Variants in AKT3 observed in about 807,000 individuals in gnomAD.
AKT3 encodes the protein RAC-gamma serine/threonine-protein kinase.
In AKT3, 15 loss-of-function variants were observed where a neutral mutation model predicts 65.3. The ratio of observed to expected loss-of-function variants is 0.23; its 90% CI spans 0.15 to 0.35. The LOEUF is 0.35. AKT3 is among the 10% of genes least tolerant of loss of function. AKT3 has a pLI of 1.00. For synonymous variants in AKT3, 206 were observed against 183.8 expected (o/e 1.12, Z -0.98); for missense variants, 243 against 576.5 (o/e 0.42, Z 5.92).
At chr1:243,632,182 G>A (rs918298854) in intron 6 of AKT3, among the ~76,000 whole-genome samples, 2 of 152,064 alleles carry the variant, frequency 1.3e-5, no homozygotes, top group Admixed American at 1.3e-4. Context: ...TACTATCTAT[G>A]GCAGTAATTA....
intron 2 of AKT3, among the ~76,000 whole-genome samples, chr1:243,718,611 C>T (rs1050935800): frequency 6.6e-6 from 1 of 150,992 alleles, no homozygotes; most frequent in Admixed American, 6.7e-5. Flanking sequence ...TACAGGCCCT[C>T]ACCACCACGC....
At chr1:243,799,957 AG>A (rs1269006943) in intron 2 of AKT3, among the ~76,000 whole-genome samples, 1 of 152,212 alleles carries the variant, frequency 6.6e-6, no homozygotes, top group African/African-American at 2.4e-5. Context: ...GGGGGATCCA[AG>A]TAACTGAATT....
intron 12 of AKT3, among the ~76,000 whole-genome samples, chr1:243,539,414 T>A (rs1672148552): frequency 6.6e-6 from 1 of 152,190 alleles, no homozygotes; most frequent in Non-Finnish European, 1.5e-5. Context: ...TATGTGTTAA[T>A]CAACTGTTCA....
In AKT3 at chr1:243,620,207, C is replaced by T. The variant is rs1306333629; in HGVS notation, c.562-5046G>A. ...GTCTGACAGTTCCTCTTCACACACTCGCCCTTTCTTCGCCTGATACCACAC... is the reference window on the plus strand; with the variant it reads ...GTCTGACAGTTCCTCTTCACACACTTGCCCTTTCTTCGCCTGATACCACAC... On this transcript the variant is annotated intron_variant, in intron 6 of 13. Transcript: ENST00000673466. 8.1e-5 allele frequency among the ~76,000 whole-genome samples: 8 copies of T among 98,200 alleles called. 3 individuals carry two copies. The South Asian group carries it at 9.1e-4, about 11-fold the overall frequency. 64.4% of individuals were successfully genotyped at this position (98,200 alleles called of 152,430 possible).
intron 8 of AKT3, among the ~76,000 whole-genome samples, chr1:243,590,937 A>G (rs1676182780): frequency 6.6e-6 from 1 of 152,240 alleles, no homozygotes; most frequent in Non-Finnish European, 1.5e-5. Context: ...GGTGATAGTT[A>G]TGATTACTCC....
At chr1:243,817,558 T>G (rs756524561) in intron 2 of AKT3, among the ~76,000 whole-genome samples, 2 of 152,078 alleles carry the variant, frequency 1.3e-5, no homozygotes, top group Non-Finnish European at 2.9e-5. Context: ...CTGGCCAACA[T>G]GGTGAAACCC....
intron 2 of AKT3, among the ~76,000 whole-genome samples, chr1:243,759,303 G>C (rs914776536): frequency 4.0e-5 from 6 of 151,418 alleles, no homozygotes; most frequent in Middle Eastern, 3.2e-3. Flanking sequence ...CTGAGCAACA[G>C]AGTAAAACCC....
chr1:243,602,197 T>G (rs1677061420), intron 8 of AKT3, among the ~76,000 whole-genome samples: 1 of 152,218 alleles, frequency 6.6e-6, no homozygotes, highest in African/African-American at 2.4e-5. Context: ...GTTTAACCAT[T>G]CATTTTTTAA....
intron 11 of AKT3, among the ~76,000 whole-genome samples, chr1:243,550,912 T>C (rs561107967): frequency 1.1e-4 from 14 of 130,724 alleles, no homozygotes; most frequent in African/African-American, 3.6e-4. Context: ...TGGGCCGAGA[T>C]TGCGCCACTG....
chr1:243,605,745 C>T (rs1250416028), intron 8 of AKT3, among the ~76,000 whole-genome samples: 1 of 152,210 alleles, frequency 6.6e-6, no homozygotes, highest in African/African-American at 2.4e-5. Flanking sequence ...CAAATACAGT[C>T]ATGCATTACT....
chr1:243,614,997 A>G, intron 7 of AKT3, 99 bp downstream of exon 7: 1 of 852,004 alleles, frequency 1.2e-6, no homozygotes, highest in Non-Finnish European at 1.8e-6. Flanking sequence ...AGAAAATGAG[A>G]TATCTAAATG....
intron 11 of AKT3, among the ~76,000 whole-genome samples, chr1:243,551,844 A>G (rs1437803633): frequency 6.6e-6 from 1 of 152,196 alleles, no homozygotes; most frequent in African/African-American, 2.4e-5. Flanking sequence ...ATGAATAAAA[A>G]TACTGTAGCT....
intron 1 of AKT3, among the ~76,000 whole-genome samples, chr1:243,846,031 A>G (rs1695505850): frequency 6.6e-6 from 1 of 152,234 alleles, no homozygotes; most frequent in African/African-American, 2.4e-5. Context: ...ATGATTCTGC[A>G]AGTTAAAATC....
chr1:243,746,779 A>G (rs1396987169), intron 2 of AKT3, among the ~76,000 whole-genome samples: 1 of 152,206 alleles, frequency 6.6e-6, no homozygotes, highest in African/African-American at 2.4e-5. Flanking sequence ...ACTAAACTTT[A>G]TAAATATGCT....
intron 2 of AKT3, among the ~76,000 whole-genome samples, chr1:243,802,481 T>C (rs1421788576): frequency 6.6e-6 from 1 of 152,188 alleles, no homozygotes; most frequent in Non-Finnish European, 1.5e-5. Context: ...ATAAATAAGA[T>C]GCATTTTTAC....
intron 2 of AKT3, among the ~76,000 whole-genome samples, chr1:243,698,463 T>A (rs1426603709): frequency 1.3e-5 from 2 of 152,056 alleles, no homozygotes; most frequent in African/African-American, 4.8e-5. Context: ...TCCCTCTATG[T>A]ACATCCTCAG....
intron 2 of AKT3, among the ~76,000 whole-genome samples, chr1:243,819,864 C>T (rs4484910): frequency 0.79 from 120,340 of 152,072 alleles, 48,331 homozygotes; most frequent in Non-Finnish European, 0.86. Context: ...TCCAAACGCA[C>T]AGGGTCTGGA....
At chr1:243,534,224 A>T (rs781350409) in intron 12 of AKT3, among the ~76,000 whole-genome samples, 9 of 152,318 alleles carry the variant, frequency 5.9e-5, no homozygotes, top group Non-Finnish European at 1.3e-4. Context: ...ATTTAAAGAA[A>T]GTGGGAGGAG....
At chr1:243,730,763 G>A (rs1313599884) in intron 2 of AKT3, among the ~76,000 whole-genome samples, 1 of 152,230 alleles carries the variant, frequency 6.6e-6, no homozygotes. Flanking sequence ...AGGCTCTGCA[G>A]TTGCTGGCGT....
Sources: gnomAD v4.1 joint callset for allele counts (sites outside exome capture counted in the v4.1 genomes callset) on GRCh38, gnomAD v4.1.1 for gene constraint, MANE v1.5 for transcripts, NCBI Gene and HGNC (gene_info 2026-07-23, HGNC 2026-07-21) for gene names.